The following GPC5 variants were observed in gnomAD, a reference collection of about 807,000 sequenced individuals.
The protein encoded by GPC5 is glypican 5.
A neutral mutation model predicts 53.9 loss-of-function variants in GPC5; 47 were observed. That is an observed-to-expected ratio of 0.87 (90% confidence interval 0.69 to 1.11). The LOEUF is 1.11. GPC5 is among the 50% of genes most tolerant of loss of function. GPC5 has a pLI of 0.00. For synonymous variants in GPC5, 286 were observed against 263.3 expected (o/e 1.09, Z -0.84); for missense variants, 748 against 713.1 (o/e 1.05, Z -0.56).
At chr13:91,713,522 T>C (rs1298744087) in intron 3 of GPC5, among the ~76,000 whole-genome samples, 3 of 152,180 alleles carry the variant, frequency 2.0e-5, no homozygotes, top group Non-Finnish European at 4.4e-5. Context: ...ATATAAAAAG[T>C]AGTTTATTCC....
At chr13:91,964,884 C>T (rs2040165661) in intron 6 of GPC5, among the ~76,000 whole-genome samples, 1 of 152,074 alleles carries the variant, frequency 6.6e-6, no homozygotes, top group Admixed American at 6.6e-5. Flanking sequence ...ACATATACAC[C>T]ATGGAATACT....
intron 7 of GPC5, among the ~76,000 whole-genome samples, chr13:92,189,589 G>GCACACACA (rs149810745): frequency 3.3e-5 from 5 of 150,510 alleles, no homozygotes; most frequent in African/African-American, 1.2e-4. Flanking sequence ...CCATACACGT[G>GCACACACA]CACACACACA....
rs1021504108 is a variant in GPC5 at position 92,846,484 on chromosome 13, A to G, written c.1562-19798A>G. Among the ~76,000 whole-genome samples, 9 of 152,182 alleles carry G rather than the reference A, an allele frequency of 5.9e-5. 1 individual carries two copies. The highest frequency in any genetic ancestry group is 1.3e-4 in the Admixed American group (2 of 15,274). On this transcript the variant is annotated intron_variant, in intron 7 of 7. Transcript: ENST00000377067. ...GTTGTTCTTAATTTAATTGAATCCAATTGCTGTAGTGATTTTTGCAATCCT... is the reference window on the plus strand; with the variant it reads ...GTTGTTCTTAATTTAATTGAATCCAGTTGCTGTAGTGATTTTTGCAATCCT...
At chr13:92,691,538 C>T (rs964663944) in intron 7 of GPC5, among the ~76,000 whole-genome samples, 10 of 151,912 alleles carry the variant, frequency 6.6e-5, no homozygotes, top group Admixed American at 6.6e-5. Context: ...GCGTCGCTCA[C>T]GCTGGGAGCT....
At chr13:91,559,803 G>C (rs1455319858) in intron 2 of GPC5, among the ~76,000 whole-genome samples, 1 of 152,074 alleles carries the variant, frequency 6.6e-6, no homozygotes, top group Non-Finnish European at 1.5e-5. Context: ...AAGACAGGCA[G>C]TTCAGGTTGT....
chr13:91,787,018 T>C lies in GPC5; in HGVS notation c.1280+30598T>C, dbSNP rs192189776. ...TTGATTTGCAATTGTTCAATACTAG[T>C]ATACAGAAATGTGACTAATGTGTTT... On this transcript the variant is annotated intron_variant, in intron 5 of 7. Transcript: ENST00000377067. 2.4e-3 allele frequency among the ~76,000 whole-genome samples: 370 copies of C among 152,050 alleles called. 3 individuals are homozygous for C. Among genetic ancestry groups the C allele is most frequent in the African/African-American group, 8.3e-3 (346 of 41,520 alleles).
intron 7 of GPC5, among the ~76,000 whole-genome samples, chr13:92,783,885 A>C (rs1435269995): frequency 6.6e-6 from 1 of 152,144 alleles, no homozygotes; most frequent in Non-Finnish European, 1.5e-5. Context: ...GAAAATTTTA[A>C]TTTTTAGAAA....
chr13:92,214,970 G>T (rs1422061742), intron 7 of GPC5, among the ~76,000 whole-genome samples: 1 of 152,124 alleles, frequency 6.6e-6, no homozygotes, highest in African/African-American at 2.4e-5. Flanking sequence ...CTCTGCTCTT[G>T]AGCCGCCAAG....
intron 7 of GPC5, among the ~76,000 whole-genome samples, chr13:92,709,096 A>G (rs1888048745): frequency 6.6e-6 from 1 of 150,686 alleles, no homozygotes; most frequent in Non-Finnish European, 1.5e-5. Flanking sequence ...TGCCCAGGCT[A>G]GAGTGCAATG....
chr13:92,129,917 G>C (rs987471116), intron 6 of GPC5, among the ~76,000 whole-genome samples: 1 of 152,114 alleles, frequency 6.6e-6, no homozygotes, highest in Admixed American at 6.6e-5. Flanking sequence ...CAGAAGAGCC[G>C]TTGGTCAAAA....
At position 92,523,763 on chromosome 13, in the gene GPC5, T is replaced by A. The variant is rs536474011; in HGVS notation, c.1562-342519T>A. 2.6e-4 allele frequency among the ~76,000 whole-genome samples: 40 copies of A among 152,236 alleles called. No homozygotes were observed. In the East Asian group the frequency reaches 6.4e-3, roughly 24 times the overall value. ...ATACTTACTCATTATAGTCAACAAA[T>A]TAATTATTTCATTTGAATTAATATT... On this transcript the variant is annotated intron_variant, in intron 7 of 7. Transcript: ENST00000377067.
intron 5 of GPC5, among the ~76,000 whole-genome samples, chr13:91,878,670 A>G (rs1450906889): frequency 6.6e-6 from 1 of 152,230 alleles, no homozygotes; most frequent in South Asian, 2.1e-4. Flanking sequence ...AGATGGTTTT[A>G]TAAGGAGCTT....
intron 6 of GPC5, among the ~76,000 whole-genome samples, chr13:92,122,734 G>A (rs1337842944): frequency 1.6e-5 from 2 of 125,158 alleles, no homozygotes; most frequent in Non-Finnish European, 3.2e-5. Flanking sequence ...TGGCCTATAG[G>A]TCAGTCTTTT....
Position 92,116,247 on chromosome 13 carries a change from CAAA to C in GPC5, c.1402-28579_1402-28577del, listed in dbSNP as rs1402418726. On this transcript the variant is annotated intron_variant, in intron 6 of 7. Coordinates refer to ENST00000377067, the MANE Select transcript of GPC5 (RefSeq NM_004466.6). The stretch of plus-strand genomic sequence containing the variant: ...TGGGTGACAGAGCGAGACCCTGTCT[CAAA>C]AAACAAACAAACAAACAAACAAAAA... 2.5e-4 allele frequency among the ~76,000 whole-genome samples: 23 copies of C among 92,460 alleles called. No homozygotes were observed. The East Asian group carries it at 7.4e-3, about 30-fold the overall frequency. The allele number at this position is 92,460 out of a possible 152,430, so 60.7% of individuals were successfully genotyped here. A position where few individuals can be genotyped will look rare whatever the true frequency, so the allele number is the denominator to read the frequency against.
At chr13:92,610,076 C>T (rs1884385661) in intron 7 of GPC5, among the ~76,000 whole-genome samples, 1 of 149,460 alleles carries the variant, frequency 6.7e-6, no homozygotes, top group Non-Finnish European at 1.5e-5. Context: ...TGTACACAGC[C>T]TTAACATTTC....
intron 7 of GPC5, among the ~76,000 whole-genome samples, chr13:92,851,748 G>A (rs1018658014): frequency 1.3e-5 from 2 of 151,362 alleles, no homozygotes; most frequent in African/African-American, 4.9e-5. Flanking sequence ...AATTAGCCAG[G>A]CGTGGTGGTG....
At chr13:92,616,623 T>C (rs1400040679) in intron 7 of GPC5, among the ~76,000 whole-genome samples, 2 of 152,252 alleles carry the variant, frequency 1.3e-5, no homozygotes, top group African/African-American at 4.8e-5. Flanking sequence ...ACAATCTGGA[T>C]ACATCCAATT....
intron 4 of GPC5, among the ~76,000 whole-genome samples, chr13:91,750,863 T>G (rs547293): frequency 6.6e-6 from 1 of 151,664 alleles, no homozygotes. Context: ...GGTTTCTCCA[T>G]GTTGGTCAGG....
intron 5 of GPC5, among the ~76,000 whole-genome samples, chr13:91,878,551 C>T (rs559082265): frequency 1.3e-5 from 2 of 152,092 alleles, no homozygotes; most frequent in East Asian, 3.9e-4. Context: ...ATTGTAGTTC[C>T]CATAATCTAT....
Sources: gnomAD v4.1 joint callset for allele counts (sites outside exome capture counted in the v4.1 genomes callset) on GRCh38, gnomAD v4.1.1 for gene constraint, MANE v1.5 for transcripts, NCBI Gene and HGNC (gene_info 2026-07-23, HGNC 2026-07-21) for gene names.